RIC1: variants seen among roughly 807,000 people sequenced by gnomAD.
RIC1 encodes guanine nucleotide exchange factor subunit RIC1.
RIC1 carries 88 observed loss-of-function variants against 169.0 expected under a neutral mutation model. The ratio of observed to expected loss-of-function variants is 0.52; its 90% CI spans 0.44 to 0.62. The LOEUF (loss-of-function observed/expected upper bound fraction) is 0.62, where lower values mean the gene tolerates loss of function less well. RIC1 is among the 20% of genes least tolerant of loss of function. RIC1 has a pLI of 0.00. For missense variants in RIC1, 1,877 were observed against 1,725.5 expected, an observed-to-expected ratio of 1.09 and a Z score of -1.56; for synonymous variants, 790 against 601.5, an observed-to-expected ratio of 1.31 and a Z score of -4.59.
At chr9:5,713,100 A>T (rs1200322371) in intron 3 of RIC1, 1 of 152,202 alleles carries the variant, frequency 6.6e-6, no homozygotes, top group East Asian at 1.9e-4. Context: ...AGTATCGACA[A>T]ATTATAGGAA....
intron 1 of RIC1, among the ~76,000 whole-genome samples, chr9:5,651,992 T>C (rs1236783646): frequency 6.6e-6 from 1 of 152,262 alleles, no homozygotes; most frequent in Non-Finnish European, 1.5e-5. Context: ...CAATGTGTGC[T>C]CTTGGCACCT....
chr9:5,755,832 A>G (rs562765874), intron 15 of RIC1, among the ~76,000 whole-genome samples: 2 of 152,266 alleles, frequency 1.3e-5, no homozygotes, highest in South Asian at 4.1e-4. Flanking sequence ...CTGAGGTGGC[A>G]GAATTGCTTG....
At position 5,683,086 on chromosome 9, in the gene RIC1, T is replaced by C. The variant is rs1442165365; in HGVS notation, c.253-6873T>C. On this transcript the variant is annotated intron_variant, in intron 2 of 25. Transcript: ENST00000414202. ...TCGTCTAATTTTTTTTCAAGGTTTT[T>C]AACTTCTTTGCCATTGGTTCGCACA... Among the ~76,000 whole-genome samples the C allele has an allele frequency of 2.0e-5, 3 of 152,312 alleles. No homozygotes were observed. The East Asian group carries it at 5.8e-4, about 29-fold the overall frequency.
chr9:5,734,110 A>C (rs1824547678), intron 7 of RIC1, among the ~76,000 whole-genome samples: 1 of 147,022 alleles, frequency 6.8e-6, no homozygotes, highest in South Asian at 2.1e-4. Flanking sequence ...TATTTATTTT[A>C]TTTTATTTTA....
At chr9:5,679,096 T>C (rs1487581047) in intron 2 of RIC1, among the ~76,000 whole-genome samples, 1 of 152,200 alleles carries the variant, frequency 6.6e-6, no homozygotes, top group African/African-American at 2.4e-5. Flanking sequence ...ATTTATTAAA[T>C]AGGGAATCCT....
intron 14 of RIC1, among the ~76,000 whole-genome samples, chr9:5,754,029 T>G (rs1416605177): frequency 3.3e-5 from 5 of 149,964 alleles, no homozygotes; most frequent in Admixed American, 3.3e-4. Context: ...TGTGCGTGTG[T>G]GTATGTGTAT....
intron 1 of RIC1, among the ~76,000 whole-genome samples, chr9:5,639,809 ACT>A (rs1448104043): frequency 1.3e-4 from 20 of 151,658 alleles, no homozygotes; most frequent in African/African-American, 4.9e-4. Context: ...TGCTGGATTG[ACT>A]CTTTTCTCAG....
At position 5,639,806 on chromosome 9, in the gene RIC1, T is replaced by C. The variant is rs571309685; in HGVS notation, c.144+10353T>C. Among the ~76,000 whole-genome samples the C allele has an allele frequency of 1.6e-4, 25 of 152,340 alleles. No homozygotes were observed. In the South Asian group the frequency reaches 4.3e-3, roughly 26 times the overall value. ...ATGATTGTTATATTCTATTGCTGGA[T>C]TGACTCTTTTCTCAGTATATAATGA... On this transcript the variant is annotated intron_variant, in intron 1 of 25. Transcript: ENST00000414202.
intron 1 of RIC1, among the ~76,000 whole-genome samples, chr9:5,636,419 A>G (rs1263194170): frequency 6.6e-6 from 1 of 152,098 alleles, no homozygotes; most frequent in Non-Finnish European, 1.5e-5. Flanking sequence ...TCCTGGGTTC[A>G]AGCAATTCTC....
chr9:5,641,223 C>T (rs955647588), intron 1 of RIC1, among the ~76,000 whole-genome samples: 7 of 151,714 alleles, frequency 4.6e-5, no homozygotes, highest in African/African-American at 1.7e-4. Flanking sequence ...TCCTGAGTAC[C>T]TGGGACTACA....
intron 17 of RIC1, 126 bp from the exon 18 acceptor site, chr9:5,762,415 T>A: frequency 8.4e-7 from 1 of 1,190,738 alleles, no homozygotes; most frequent in South Asian, 1.6e-5. Flanking sequence ...GCAGAATGGC[T>A]GTACATAGTA....
intron 2 of RIC1, among the ~76,000 whole-genome samples, chr9:5,674,373 A>G (rs1413347706): frequency 1.3e-5 from 2 of 152,208 alleles, no homozygotes; most frequent in African/African-American, 4.8e-5. Context: ...GAATTAAATT[A>G]CTAGAAGCAG....
intron 25 of RIC1, among the ~76,000 whole-genome samples, chr9:5,773,668 T>C (rs760541017): frequency 7.9e-5 from 12 of 152,236 alleles, no homozygotes; most frequent in Admixed American, 7.2e-4. Flanking sequence ...TAAGCTCCTG[T>C]TGGCCTTTCA....
chr9:5,758,903 C>A (rs1283626998), intron 17 of RIC1, among the ~76,000 whole-genome samples: 1 of 151,958 alleles, frequency 6.6e-6, no homozygotes, highest in Non-Finnish European at 1.5e-5. Flanking sequence ...CGCCACCACG[C>A]CCAGCTAATT....
At chr9:5,679,667 T>C (rs570331466) in intron 2 of RIC1, among the ~76,000 whole-genome samples, 4 of 152,348 alleles carry the variant, frequency 2.6e-5, no homozygotes, top group Non-Finnish European at 4.4e-5. Flanking sequence ...ATAAGAATGC[T>C]TGTGATTTTT....
intron 2 of RIC1, among the ~76,000 whole-genome samples, chr9:5,661,497 T>C (rs921580237): frequency 6.6e-6 from 1 of 152,222 alleles, no homozygotes; most frequent in Non-Finnish European, 1.5e-5. Flanking sequence ...GTTCGTGTCA[T>C]CTGTCATTTG....
In RIC1 at chr9:5,680,814, G is replaced by GTTTT. The variant is rs1309041549; in HGVS notation, c.253-9145_253-9144insTTTT. Among the ~76,000 whole-genome samples, 8 of 66,822 alleles carry GTTTT rather than the reference G, an allele frequency of 1.2e-4. No homozygotes were observed. The East Asian group carries it at 2.3e-3, about 19-fold the overall frequency. The allele number at this position is 66,822 out of a possible 152,430, so 43.8% of individuals were successfully genotyped here. A position where few individuals can be genotyped will look rare whatever the true frequency, so the allele number is the denominator to read the frequency against. Reference sequence around the variant, plus strand: ...CAGAACACCAGCTCCTGCAGTCATTGATTTTTTTTTTTTTTTTTTTTTTTT... The same window carrying GTTTT: ...CAGAACACCAGCTCCTGCAGTCATTGTTTTATTTTTTTTTTTTTTTTTTTTTTTT... On this transcript the variant is annotated intron_variant, in intron 2 of 25. Transcript: ENST00000414202.
chr9:5,646,169 G>C (rs1477967006), intron 1 of RIC1, among the ~76,000 whole-genome samples: 1 of 152,070 alleles, frequency 6.6e-6, no homozygotes, highest in Non-Finnish European at 1.5e-5. Flanking sequence ...TTTCCTAATG[G>C]TTATTAATGT....
chr9:5,730,627 T>G (rs1436575069), intron 6 of RIC1, among the ~76,000 whole-genome samples: 3 of 152,114 alleles, frequency 2.0e-5, no homozygotes, highest in Non-Finnish European at 4.4e-5. Context: ...GGTGTGAGGA[T>G]ACAGTGATTG....
Sources: allele counts gnomAD v4.1 joint callset (sites outside exome capture counted in the v4.1 genomes callset), GRCh38; gene constraint gnomAD v4.1.1; transcripts MANE v1.5; gene names NCBI Gene and HGNC (gene_info 2026-07-23, HGNC 2026-07-21).